The following NSD2 variants were observed in gnomAD, a reference collection of about 807,000 sequenced individuals.
NSD2 encodes the protein histone-lysine N-methyltransferase NSD2.
NSD2 carries 12 observed loss-of-function variants against 139.0 expected under a neutral mutation model. The ratio of observed to expected loss-of-function variants is 0.09; its 90% CI spans 0.06 to 0.14. NSD2 has a LOEUF of 0.14. Among genes scored for constraint, NSD2 ranks in the 10% least tolerant of loss-of-function variants. The pLI, the probability that NSD2 is intolerant of heterozygous loss-of-function variation, is 1.00. For missense variants in NSD2, 1,155 were observed against 1,745.0 expected, an observed-to-expected ratio of 0.66 and a Z score of 6.02; for synonymous variants, 669 against 648.7, an observed-to-expected ratio of 1.03 and a Z score of -0.48.
rs1727528038 is a variant in NSD2, at chr4:1,979,443, T to C, written c.*534T>C. The C allele has an allele frequency of 8.6e-6, 2 of 233,442 alleles. No individual in the cohort carries two copies. The highest frequency in any genetic ancestry group is 1.2e-4 in the East Asian group (2 of 16,588). The allele number at this position is 233,442 out of a possible 1,614,324, so 14.5% of individuals were successfully genotyped here. ...TCTTTGGAAATGGCTGTATCATTTTTTTGTACTAATGTGAATTGTTCCTCA... is the reference window on the plus strand; with the variant it reads ...TCTTTGGAAATGGCTGTATCATTTTCTTGTACTAATGTGAATTGTTCCTCA... On this transcript the variant is annotated 3_prime_UTR_variant, in exon 22 of 22. Transcript: ENST00000508803.
intron 3 of NSD2, among the ~76,000 whole-genome samples, chr4:1,910,794 C>T (rs1013639681): frequency 2.0e-5 from 3 of 152,206 alleles, no homozygotes; most frequent in African/African-American, 4.8e-5. Context: ...TGCTGTTTTT[C>T]TACTTGTAGT....
In NSD2 at chr4:1,981,957, G is replaced by A. The variant is rs1238533200; in HGVS notation, c.*3048G>A. On this transcript the variant is annotated 3_prime_UTR_variant, in exon 22 of 22. Transcript: ENST00000508803. ...AGAAATTAAATACAAACTTAAATGT[G>A]CCTATTGGTGTCTAAACTTCATACA... is the stretch of plus-strand genomic sequence containing the variant. 2 of 398,454 alleles carry A rather than the reference G, an allele frequency of 5.0e-6. No individual in the cohort carries two copies. Among genetic ancestry groups the A allele is most frequent in the East Asian group, 3.6e-5 (1 of 28,096 alleles). The allele number at this position is 398,454 out of a possible 1,614,324, so 24.7% of individuals were successfully genotyped here. A position where few individuals can be genotyped will look rare whatever the true frequency, so the allele number is the denominator to read the frequency against.
At chr4:1,940,887 C>G in intron 9 of NSD2, 19 of 1,057,724 alleles carry the variant, frequency 1.8e-5, no homozygotes, top group Non-Finnish European at 2.2e-5. Flanking sequence ...CTGCGGCTTG[C>G]CACTCTGAAT....
At chr4:1,959,331 G>C in intron 16 of NSD2, 140 bp from the exon 17 acceptor site, 1 of 898,234 alleles carries the variant, frequency 1.1e-6, no homozygotes, top group Middle Eastern at 3.1e-4. Context: ...GGGCTGTTCT[G>C]AGTAGTGTGT....
chr4:1,904,658 T>C (rs1717649140), intron 3 of NSD2, among the ~76,000 whole-genome samples: 1 of 152,248 alleles, frequency 6.6e-6, no homozygotes, highest in Admixed American at 6.5e-5. Context: ...TTACGATGAT[T>C]GCTTGTTTCA....
In NSD2 at chr4:1,974,824, T is replaced by C. The variant is rs1396860108; in HGVS notation, c.3373-39T>C. The stretch of plus-strand genomic sequence containing the variant: ...AATTCCCTTTAAAAATAACATGCGA[T>C]TGCTAACACTTGACCGAATATATCA... On this transcript the variant is annotated intron_variant, in intron 18 of 21. Coordinates refer to ENST00000508803, the MANE Select transcript of NSD2 (RefSeq NM_001042424.3). This position sits in a 1 kb window ranked among gnomAD's most constrained non-coding sequence, Gnocchi z 4.0. 3.1e-6 allele frequency: 5 copies of C among 1,610,808 alleles called. No individual in the cohort carries two copies. The highest frequency in any genetic ancestry group is 4.2e-6 in the Non-Finnish European group (5 of 1,177,264).
intron 5 of NSD2, among the ~76,000 whole-genome samples, chr4:1,924,276 A>T (rs1388294452): frequency 6.6e-6 from 1 of 151,910 alleles, no homozygotes; most frequent in Non-Finnish European, 1.5e-5. Flanking sequence ...CTGAATGGAC[A>T]CTCCAGTGTT....
At chr4:1,975,891 C>A (rs1368096923) in intron 20 of NSD2, among the ~76,000 whole-genome samples, 1 of 152,200 alleles carries the variant, frequency 6.6e-6, no homozygotes, top group African/African-American at 2.4e-5. Flanking sequence ...TTGACAATGA[C>A]CCTATTTCCA....
At chr4:1,941,125 ATTAT>A (rs1411137896) in intron 9 of NSD2, 2 of 1,054,510 alleles carry the variant, frequency 1.9e-6, no homozygotes, top group Non-Finnish European at 2.3e-6. Context: ...TTTTATACAA[ATTAT>A]TTTTCCTTTT....
chr4:1,905,696 C>G (rs1231893852), intron 3 of NSD2, among the ~76,000 whole-genome samples: 1 of 152,198 alleles, frequency 6.6e-6, no homozygotes, highest in Non-Finnish European at 1.5e-5. Flanking sequence ...GGTGCCCTTG[C>G]CTGAGTCCTG....
intron 3 of NSD2, among the ~76,000 whole-genome samples, chr4:1,910,461 T>G (rs1718522400): frequency 6.6e-6 from 1 of 152,098 alleles, no homozygotes; most frequent in Admixed American, 6.6e-5. Context: ...ACCTTTTAAG[T>G]TGGAAACAGA....
chr4:1,932,103 A>G (rs1345061643), intron 6 of NSD2, among the ~76,000 whole-genome samples: 1 of 152,158 alleles, frequency 6.6e-6, no homozygotes. Context: ...AGGATGGCGC[A>G]CCACATCATT....
At chr4:1,873,314 A>C (rs1714005437) in intron 1 of NSD2, among the ~76,000 whole-genome samples, 1 of 152,196 alleles carries the variant, frequency 6.6e-6, no homozygotes, top group South Asian at 2.1e-4. Flanking sequence ...TTATTTTAAG[A>C]GTATGAGGTA....
At chr4:1,947,003 A>G in intron 9 of NSD2, 1 of 1,063,548 alleles carries the variant, frequency 9.4e-7, no homozygotes, top group Non-Finnish European at 1.1e-6. Context: ...AGTATTTTCA[A>G]GAAATGACTG....
chr4:1,890,925 A>T (rs1489257802), intron 1 of NSD2, among the ~76,000 whole-genome samples: 2 of 147,486 alleles, frequency 1.4e-5, no homozygotes, highest in African/African-American at 5.0e-5. Flanking sequence ...ACAAGGTCTC[A>T]CTCTGTCACC....
intron 9 of NSD2, chr4:1,946,520 C>T (rs903837466): frequency 4.9e-5 from 48 of 986,680 alleles, no homozygotes; most frequent in Admixed American, 1.2e-4. Flanking sequence ...CCACCCGCCT[C>T]ACCCTCCCAA....
rs569851245 is a variant in NSD2, at chr4:1,976,764, C to T, written c.3826+85C>T. ...GGCTGCTGCCGCTCTTCCTGCTGAC[C>T]GGGCCTCATCTGGGTGCAGGCACAT... On this transcript the variant is annotated intron_variant, in intron 21 of 21. Coordinates refer to ENST00000508803, the MANE Select transcript of NSD2 (RefSeq NM_001042424.3). This position sits in a 1 kb window ranked among gnomAD's most constrained non-coding sequence, Gnocchi z 5.3. The T allele has an allele frequency of 5.0e-5, 71 of 1,412,746 alleles. No individual in the cohort carries two copies. Among genetic ancestry groups the T allele is most frequent in the Non-Finnish European group, 6.0e-5 (63 of 1,052,446 alleles). The allele number at this position is 1,412,746 out of a possible 1,614,324, so 87.5% of individuals were successfully genotyped here. A position where few individuals can be genotyped will look rare whatever the true frequency, so the allele number is the denominator to read the frequency against.
rs1577539000 is a variant in NSD2 at position 1,956,259 on chromosome 4, T to A, written c.2881+71T>A. 2.2e-6 allele frequency: 3 copies of A among 1,368,956 alleles called. No individual in the cohort carries two copies. Among genetic ancestry groups the A allele is most frequent in the South Asian group, 1.5e-5 (1 of 65,480 alleles). 84.8% of individuals were successfully genotyped at this position (1,368,956 alleles called of 1,614,324 possible). Reference sequence around the variant, plus strand: ...TTTCTTACCCCTAATTTCTATTTTTTAAAATTTGATCTTTATAGAAAATAC... The same window carrying A: ...TTTCTTACCCCTAATTTCTATTTTTAAAAATTTGATCTTTATAGAAAATAC... On this transcript the variant is annotated intron_variant, in intron 15 of 21. Transcript: ENST00000508803. The surrounding 1 kb of genome is among the most constrained non-coding windows in gnomAD (Gnocchi z 5.3).
At position 1,948,902 on chromosome 4, in the gene NSD2, C is replaced by T. The variant is rs867788698; in HGVS notation, c.1882-2170C>T. 2.6e-5 allele frequency: 20 copies of T among 762,536 alleles called. No individual in the cohort carries two copies. Among genetic ancestry groups the T allele is most frequent in the Middle Eastern group, 1.2e-3 (2 of 1,616 alleles). 47.2% of individuals were successfully genotyped at this position (762,536 alleles called of 1,614,324 possible). ...AAAGCTTTTTAAGTTTGTTCCACCA[C>T]GTTAAGGGAAGAGCATGGGTTGGTG... is the stretch of plus-strand genomic sequence containing the variant. On this transcript the variant is annotated intron_variant, in intron 9 of 21. Transcript: ENST00000508803. This position sits in a 1 kb window ranked among gnomAD's most constrained non-coding sequence, Gnocchi z 4.5.
Sources: allele counts gnomAD v4.1 joint callset (sites outside exome capture counted in the v4.1 genomes callset), GRCh38; gene constraint gnomAD v4.1.1; non-coding constraint Gnocchi (gnomAD v3.1); transcripts MANE v1.5; gene names NCBI Gene and HGNC (gene_info 2026-07-23, HGNC 2026-07-21).